The following RTTN variants were observed in gnomAD, a reference collection of about 807,000 sequenced individuals.
RTTN encodes the protein rotatin.
In RTTN, 182 loss-of-function variants were observed where a neutral mutation model predicts 269.2. The observed-to-expected ratio is 0.68, with a 90% CI of 0.60 to 0.76. The LOEUF is 0.76. Ranked by LOEUF, RTTN falls within the 30% of genes least tolerant of loss-of-function variation. RTTN has a pLI of 0.00. For missense variants in RTTN, 2,545 were observed against 2,608.6 expected, an observed-to-expected ratio of 0.98 and a Z score of 0.53; for synonymous variants, 1,006 against 963.5, an observed-to-expected ratio of 1.04 and a Z score of -0.82.
At chr18:70,141,354 A>G (rs985645382) in intron 19 of RTTN, among the ~76,000 whole-genome samples, 1 of 152,214 alleles carries the variant, frequency 6.6e-6, no homozygotes, top group East Asian at 1.9e-4. Flanking sequence ...AAGCCTATGG[A>G]ATAACAACAC....
At chr18:70,024,236 C>T (rs1051862721) in intron 44 of RTTN, among the ~76,000 whole-genome samples, 1 of 152,156 alleles carries the variant, frequency 6.6e-6, no homozygotes. Context: ...ATCACTCTCA[C>T]CAGAACTCAC....
chr18:70,126,724 G>A (rs79574907), intron 25 of RTTN, among the ~76,000 whole-genome samples: 3 of 152,032 alleles, frequency 2.0e-5, no homozygotes, highest in Non-Finnish European at 4.4e-5. Flanking sequence ...CAAAAATCCT[G>A]AAAATTCAAC....
intron 40 of RTTN, among the ~76,000 whole-genome samples, chr18:70,043,765 A>C (rs1195388188): frequency 6.6e-6 from 1 of 152,250 alleles, no homozygotes; most frequent in African/African-American, 2.4e-5. Context: ...TGGTAAATTC[A>C]TATACTTTCC....
At chr18:70,199,392 G>GA in intron 5 of RTTN, 22 bp downstream of exon 5, 1 of 1,533,922 alleles carries the variant, frequency 6.5e-7, no homozygotes, top group Non-Finnish European at 9.0e-7. Flanking sequence ...AAAAATACCT[G>GA]AAAATACATC....
intron 44 of RTTN, among the ~76,000 whole-genome samples, chr18:70,022,955 T>A (rs1429140173): frequency 1.3e-5 from 2 of 152,166 alleles, no homozygotes; most frequent in African/African-American, 4.8e-5. Context: ...AAGTACAATC[T>A]ACATGACAAT....
At chr18:70,114,809 GAAA>G (rs1158594275) in intron 26 of RTTN, among the ~76,000 whole-genome samples, 2 of 151,540 alleles carry the variant, frequency 1.3e-5, no homozygotes, top group African/African-American at 4.8e-5. Flanking sequence ...ATATAAAATA[GAAA>G]AAAAGGACGA....
chr18:70,144,677 T>C (rs939397203), intron 18 of RTTN, among the ~76,000 whole-genome samples: 2 of 152,184 alleles, frequency 1.3e-5, no homozygotes, highest in Non-Finnish European at 2.9e-5. Flanking sequence ...CAACCAGACC[T>C]GGTATGTGGC....
Position 70,114,617 on chromosome 18 carries a change from T to TA in RTTN, c.3529-19dup, listed in dbSNP as rs764621599. The TA allele has an allele frequency of 1.9e-6, 3 of 1,602,722 alleles. No homozygotes were observed. The highest frequency in any genetic ancestry group is 1.7e-6 in the Non-Finnish European group (2 of 1,176,052). ...TTTGCACTCTAAAAAATGAAATTTGTAAAAAATGTATTTACTAATTGAACT... is the reference window on the plus strand; with the variant it reads ...TTTGCACTCTAAAAAATGAAATTTGTAAAAAAATGTATTTACTAATTGAACT... On this transcript the variant is annotated intron_variant, in intron 26 of 48. Transcript: ENST00000640769.
At chr18:70,205,527 G>A in intron 1 of RTTN, 101 bp downstream of exon 1, 1 of 1,492,938 alleles carries the variant, frequency 6.7e-7, no homozygotes, top group Non-Finnish European at 9.3e-7. Flanking sequence ...GAAAGAGGGA[G>A]CGGTCGCGGA....
At chr18:70,148,462 C>T (rs951326263) in intron 17 of RTTN, among the ~76,000 whole-genome samples, 1 of 152,150 alleles carries the variant, frequency 6.6e-6, no homozygotes, top group Non-Finnish European at 1.5e-5. Context: ...ATTAAAATAC[C>T]TGCATAACTC....
rs141173570 is a variant in RTTN, at chr18:70,155,062, G to A, written c.1930-4329C>T. Among the ~76,000 whole-genome samples, 3 of 152,256 alleles carry A rather than the reference G, an allele frequency of 2.0e-5. No individual in the cohort carries two copies. In the East Asian group the frequency reaches 5.8e-4, roughly 29 times the overall value. Reference sequence around the variant, plus strand: ...CCACCTAACCCCAATTAGCCATCATGTTCAAGGTCCCACCGCCTTCAACTT... The same window carrying A: ...CCACCTAACCCCAATTAGCCATCATATTCAAGGTCCCACCGCCTTCAACTT... On this transcript the variant is annotated intron_variant, in intron 14 of 48. Transcript: ENST00000640769.
chr18:70,062,618 T>G (rs1487564548), intron 35 of RTTN, among the ~76,000 whole-genome samples: 1 of 36,214 alleles, frequency 2.8e-5, no homozygotes, highest in Non-Finnish European at 9.5e-5. Context: ...CTTTTTTTTT[T>G]TTTTTTTTTC....
At chr18:70,066,493 A>G (rs769368073) in intron 34 of RTTN, among the ~76,000 whole-genome samples, 5 of 152,224 alleles carry the variant, frequency 3.3e-5, no homozygotes, top group Non-Finnish European at 7.3e-5. Context: ...CTACAGGTTT[A>G]TAATGAGCAG....
intron 25 of RTTN, among the ~76,000 whole-genome samples, chr18:70,125,459 G>A (rs2059841561): frequency 6.6e-6 from 1 of 151,852 alleles, no homozygotes; most frequent in Non-Finnish European, 1.5e-5. Context: ...GACCTCTTTT[G>A]CGGAACATTC....
At chr18:70,128,019 A>T in intron 24 of RTTN, 1 of 448,124 alleles carries the variant, frequency 2.2e-6, no homozygotes, top group East Asian at 4.2e-5. Flanking sequence ...AGTAATCACC[A>T]TCACACTAAT....
At chr18:70,135,320 G>T (rs373179884) in intron 21 of RTTN, 40 bp from the exon 22 acceptor site, 1 of 1,170,166 alleles carries the variant, frequency 8.5e-7, no homozygotes, top group Non-Finnish European at 1.2e-6. Context: ...ATATTTGTAC[G>T]TCTAGAAAGA....
Position 70,166,980 on chromosome 18 carries a change from T to A in RTTN, c.1741A>T (p.Ser581Cys). ...GGGAAATGCTGATGATAGGAAAAGC[T>A]ACGCAAGGCTTGGTCTGCCAGCTCC... ...LVELADQALR[S>C]FSYHQHFPLI... is the part of the protein sequence containing the mutation. The change falls in exon 13 of 49, where the codon AGC becomes TGC. Residue 581 changes from serine (S) to cysteine (C), a missense_variant. Transcript: ENST00000640769. 6.2e-7 allele frequency: 1 copy of A among 1,613,932 alleles called. No individual in the cohort carries two copies.
At chr18:70,069,560 T>G (rs1165554736) in intron 34 of RTTN, among the ~76,000 whole-genome samples, 2 of 152,200 alleles carry the variant, frequency 1.3e-5, no homozygotes, top group Non-Finnish European at 2.9e-5. Flanking sequence ...AGAACTGGAA[T>G]GTAAAAAACA....
rs998006464 is a variant in RTTN at position 70,190,654 on chromosome 18, T to C, written c.1073A>G (p.His358Arg). The change falls in exon 9 of 49, where the codon CAC becomes CGC. Residue 358 changes from histidine to arginine, a missense_variant. His to Arg is a conservative substitution (Grantham distance 29). Transcript: ENST00000640769. ...AGTTTCCAGCTCTGGCAGATCTATGTGTCCCATATCCAAAGGTGAATGAAC... is the reference window on the plus strand; with the variant it reads ...AGTTTCCAGCTCTGGCAGATCTATGCGTCCCATATCCAAAGGTGAATGAAC... ...ISVHSPLDMGHIDLPELETED... is the reference protein window; with the variant it reads ...ISVHSPLDMGRIDLPELETED... The C allele has an allele frequency of 4.0e-5, 64 of 1,613,650 alleles. 1 individual carries two copies. The highest frequency in any genetic ancestry group is 5.4e-5 in the Non-Finnish European group (64 of 1,179,544).
Sources: gnomAD v4.1 joint callset for allele counts (sites outside exome capture counted in the v4.1 genomes callset) on GRCh38, gnomAD v4.1.1 for gene constraint, MANE v1.5 for transcripts, NCBI Gene and HGNC (gene_info 2026-07-23, HGNC 2026-07-21) for gene names.